HS2ST1: variants seen among roughly 807,000 people sequenced by gnomAD.
The protein encoded by HS2ST1 is heparan sulfate 2-O-sulfotransferase 1.
A neutral mutation model predicts 42.9 loss-of-function variants in HS2ST1; 18 were observed. That is an observed-to-expected ratio of 0.42 (90% CI 0.29 to 0.62). The LOEUF is 0.62. HS2ST1 is among the 20% of genes least tolerant of loss of function. The pLI is 0.21. For missense variants in HS2ST1, 334 were observed against 433.8 expected (o/e 0.77, Z 2.04); for synonymous variants, 146 against 152.9 (o/e 0.95, Z 0.33).
intron 1 of HS2ST1, among the ~76,000 whole-genome samples, chr1:86,976,629 AAG>A (rs1432456542): frequency 1.4e-5 from 2 of 144,454 alleles, no homozygotes; most frequent in Admixed American, 7.3e-5. Context: ...TGCTATGAAA[AAG>A]AATTTCTTTG....
intron 4 of HS2ST1, among the ~76,000 whole-genome samples, chr1:87,095,983 A>G (rs1424686867): frequency 2.9e-5 from 3 of 101,952 alleles, no homozygotes; most frequent in African/African-American, 7.7e-5. Context: ...TTTTTTTTTC[A>G]TTTTCTGTTT....
intron 1 of HS2ST1, among the ~76,000 whole-genome samples, chr1:87,048,443 A>C (rs1405850758): frequency 6.6e-6 from 1 of 152,160 alleles, no homozygotes; most frequent in Admixed American, 6.5e-5. Flanking sequence ...AAAACTGATG[A>C]GGGTGGACAT....
intron 1 of HS2ST1, among the ~76,000 whole-genome samples, chr1:86,922,399 C>T (rs1367852738): frequency 7.0e-6 from 1 of 142,382 alleles, no homozygotes; most frequent in East Asian, 2.0e-4. Flanking sequence ...ACATATTTAC[C>T]ATTCCCAGTG....
intron 1 of HS2ST1, among the ~76,000 whole-genome samples, chr1:86,917,909 G>C (rs1004982589): frequency 3.9e-5 from 6 of 152,166 alleles, no homozygotes; most frequent in Non-Finnish European, 5.9e-5. Flanking sequence ...AACTGAATTA[G>C]ATAGCTTATT....
chr1:87,100,798 A>G (rs1368084143), intron 5 of HS2ST1, among the ~76,000 whole-genome samples: 1 of 152,124 alleles, frequency 6.6e-6, no homozygotes, highest in Non-Finnish European at 1.5e-5. Context: ...GCATATGCCC[A>G]TAGTCCCAGC....
intron 1 of HS2ST1, among the ~76,000 whole-genome samples, chr1:87,001,733 C>T (rs1649290651): frequency 6.6e-6 from 1 of 152,172 alleles, no homozygotes; most frequent in African/African-American, 2.4e-5. Flanking sequence ...CCTCCCTCAG[C>T]CTCCCGAGTA....
chr1:86,961,652 C>T (rs993151804), intron 1 of HS2ST1, among the ~76,000 whole-genome samples: 28 of 152,040 alleles, frequency 1.8e-4, no homozygotes, highest in African/African-American at 6.5e-4. Context: ...ATGTACTTTT[C>T]TGTGTTATTT....
intron 1 of HS2ST1, among the ~76,000 whole-genome samples, chr1:86,976,704 GTATA>G (rs147039703): frequency 1.5e-4 from 12 of 79,662 alleles, no homozygotes; most frequent in East Asian, 6.3e-4. Flanking sequence ...TTATAAAATT[GTATA>G]TATATATATA....
At chr1:87,050,299 A>G (rs2100613441) in intron 1 of HS2ST1, among the ~76,000 whole-genome samples, 1 of 152,132 alleles carries the variant, frequency 6.6e-6, no homozygotes, top group South Asian at 2.1e-4. Context: ...AAGATTTAAG[A>G]ATTTGAATAA....
intron 1 of HS2ST1, among the ~76,000 whole-genome samples, chr1:87,007,246 A>G (rs1005948095): frequency 1.3e-5 from 2 of 152,112 alleles, no homozygotes; most frequent in Admixed American, 6.6e-5. Flanking sequence ...TATAGTTCAT[A>G]CACGTACTTT....
intron 1 of HS2ST1, among the ~76,000 whole-genome samples, chr1:86,962,292 T>C (rs1647870386): frequency 6.6e-6 from 1 of 152,180 alleles, no homozygotes; most frequent in African/African-American, 2.4e-5. Flanking sequence ...TAGAGCATCA[T>C]TGTAGAATTG....
chr1:87,065,412 C>A (rs1259762507), intron 1 of HS2ST1, among the ~76,000 whole-genome samples: 1 of 152,172 alleles, frequency 6.6e-6, no homozygotes, highest in Non-Finnish European at 1.5e-5. Context: ...CTTGGGTAGA[C>A]CCTGCTGGTT....
intron 1 of HS2ST1, among the ~76,000 whole-genome samples, chr1:86,919,820 T>C (rs1451647572): frequency 6.6e-6 from 1 of 152,218 alleles, no homozygotes; most frequent in Non-Finnish European, 1.5e-5. Context: ...GAGATAAGCT[T>C]ATTACCTGTG....
intron 5 of HS2ST1, among the ~76,000 whole-genome samples, chr1:87,101,367 T>C (rs546853769): frequency 2.7e-4 from 41 of 151,884 alleles, no homozygotes; most frequent in African/African-American, 9.9e-4. Flanking sequence ...GGTTTCGCTA[T>C]GTTGGCCAGG....
intron 1 of HS2ST1, among the ~76,000 whole-genome samples, chr1:87,023,433 C>T (rs907801530): frequency 9.8e-5 from 14 of 143,176 alleles, no homozygotes; most frequent in African/African-American, 3.6e-4. Flanking sequence ...ACCACTTATA[C>T]AAACTGATGT....
chr1:86,988,397 A>C (rs1051273916), intron 1 of HS2ST1, among the ~76,000 whole-genome samples: 1 of 152,046 alleles, frequency 6.6e-6, no homozygotes, highest in Non-Finnish European at 1.5e-5. Flanking sequence ...CTTACCTCCA[A>C]CCTGACTGTT....
chr1:87,040,277 C>G (rs1011548074), intron 1 of HS2ST1, among the ~76,000 whole-genome samples: 6 of 152,250 alleles, frequency 3.9e-5, no homozygotes, highest in African/African-American at 9.6e-5. Context: ...GTCTCCCCCT[C>G]CCCGCTCCCT....
intron 1 of HS2ST1, chr1:87,046,263 G>C: frequency 1.3e-6 from 1 of 770,184 alleles, no homozygotes; most frequent in Non-Finnish European, 2.3e-6. Flanking sequence ...CAAGTGTTAC[G>C]AATGTCATCC....
chr1:86,979,098 C>T lies in HS2ST1; in HGVS notation c.124+63938C>T, dbSNP rs560469252. 4.4e-4 allele frequency among the ~76,000 whole-genome samples: 67 copies of T among 152,142 alleles called. 1 individual carries two copies. In the South Asian group the frequency reaches 0.011, roughly 25 times the overall value. On this transcript the variant is annotated intron_variant, in intron 1 of 6. Transcript: ENST00000370550. The stretch of plus-strand genomic sequence containing the variant: ...CTTGAACTCCTGAGCTTAAGCAATC[C>T]GCCTGCCTCAGCCCCCTAAAATGCT...
Sources: allele counts gnomAD v4.1 joint callset (sites outside exome capture counted in the v4.1 genomes callset), GRCh38; gene constraint gnomAD v4.1.1; transcripts MANE v1.5; gene names NCBI Gene and HGNC (gene_info 2026-07-23, HGNC 2026-07-21).